Variants in IAPP observed in about 807,000 individuals in gnomAD.
The protein encoded by IAPP is Islet amyloid polypeptide (diabetes-associated peptide; amylin).
In IAPP, 4 loss-of-function variants were observed where a neutral mutation model predicts 2.9. The observed-to-expected ratio is 1.39, with a 90% CI of 0.69 to 3.19. The LOEUF (loss-of-function observed/expected upper bound fraction) is 3.19, where lower values mean the gene tolerates loss of function less well. IAPP is among the 30% of genes most tolerant of loss of function. IAPP has a pLI of 0.01. For synonymous variants in IAPP, 40 were observed against 42.1 expected (o/e 0.95, Z 0.19); for missense variants, 114 against 105.3 (o/e 1.08, Z -0.36).
chr12:21,376,344 T>A (rs1940189803), intron 2 of IAPP: 1 of 360,338 alleles, frequency 2.8e-6, no homozygotes, highest in South Asian at 2.1e-5. Flanking sequence ...AAATTCCAAT[T>A]TTTACTGTTT....
intron 2 of IAPP, among the ~76,000 whole-genome samples, chr12:21,376,115 G>T (rs999507703): frequency 2.6e-5 from 4 of 152,088 alleles, no homozygotes; most frequent in Admixed American, 1.3e-4. Flanking sequence ...GGCCCATCTA[G>T]CTAACTCAAA....
At position 21,378,641 on chromosome 12, in the gene IAPP, T is replaced by C. The variant is rs1423906095; in HGVS notation, c.*215T>C. On this transcript the variant is annotated 3_prime_UTR_variant, in exon 3 of 3. Coordinates refer to ENST00000240652, the MANE Select transcript of IAPP (RefSeq NM_000415.3). ...CTTTTAAAATGAAATGTTTTTGCTA[T>C]AGATTTGTATTTTAAAACATAAGAA... The C allele has an allele frequency of 2.0e-6, 1 of 495,812 alleles. No individual in the cohort carries two copies. The highest frequency in any genetic ancestry group is 3.1e-5 in the East Asian group (1 of 32,066). The allele number at this position is 495,812 out of a possible 1,614,324, so 30.7% of individuals were successfully genotyped here.
chr12:21,361,917 G>C lies in IAPP; in HGVS notation c.-16+6904G>C, dbSNP rs12307186. 5.5e-3 allele frequency among the ~76,000 whole-genome samples: 838 copies of C among 152,296 alleles called. 7 individuals are homozygous for C. Among genetic ancestry groups the C allele is most frequent in the African/African-American group, 0.016 (655 of 41,564 alleles). ...ATGTGAAAAGACCAAATCTACGTCT[G>C]ATTGGTGTACCTGAAAATGACGGGG... On this transcript the variant is annotated intron_variant, in intron 1 of 2. Transcript: ENST00000539393.
intron 1 of IAPP, among the ~76,000 whole-genome samples, chr12:21,355,503 A>C (rs1021257165): frequency 1.3e-4 from 20 of 152,170 alleles, no homozygotes; most frequent in Non-Finnish European, 2.8e-4. Context: ...TACAAGGCCT[A>C]GGATCTGGGA....
At position 21,373,402 on chromosome 12, in the gene IAPP, G is replaced by A. The variant is rs1939943956; in HGVS notation, c.51G>A (p.Leu17=). ...QVFLIVLSVA[L]NHLKATPIES... is the part of the protein sequence containing the mutation. ...TTCTCATTGTGCTCTCTGTTGCATT[G>A]AACCATCTGAAAGCTACACCCATTG... Residue 17 remains leucine, a synonymous_variant, in exon 2 of 3, where the codon TTG becomes TTA. Transcript: ENST00000240652. The A allele has an allele frequency of 1.9e-6, 3 of 1,613,296 alleles. No individual in the cohort carries two copies. Among genetic ancestry groups the A allele is most frequent in the African/African-American group, 2.7e-5 (2 of 75,004 alleles).
In IAPP at chr12:21,378,287, G is replaced by A. The variant is rs773900669; in HGVS notation, c.131G>A (p.Arg44His). The A allele has an allele frequency of 2.0e-5, 33 of 1,614,010 alleles. No individual in the cohort carries two copies. Among genetic ancestry groups the A allele is most frequent in the Middle Eastern group, 3.3e-4 (2 of 6,084 alleles). ...KCNTATCATQ[R>H]LANFLVHSSN... Reference sequence around the variant, plus strand: ...AACACTGCCACATGTGCAACGCAGCGCCTGGCAAATTTTTTAGTTCATTCC... The same window carrying A: ...AACACTGCCACATGTGCAACGCAGCACCTGGCAAATTTTTTAGTTCATTCC... The change falls in exon 3 of 3, where the codon CGC (arginine) becomes CAC (histidine). Residue 44 changes from arginine (R) to histidine (H), a missense_variant. Transcript: ENST00000240652.
At chr12:21,370,665 A>G (rs1939718067), upstream of IAPP, among the ~76,000 whole-genome samples, 1 of 152,106 alleles carries the variant, frequency 6.6e-6, no homozygotes, top group South Asian at 2.1e-4. Flanking sequence ...CATCTTAGAG[A>G]AACAAAAAAG....
intron 1 of IAPP, among the ~76,000 whole-genome samples, chr12:21,363,579 A>G (rs1207320172): frequency 6.6e-6 from 1 of 152,220 alleles, no homozygotes; most frequent in Non-Finnish European, 1.5e-5. Context: ...GACACAAAAA[A>G]ACCCTTCAAA....
chr12:21,372,321 TTTG>T (rs1247333244), upstream of IAPP, among the ~76,000 whole-genome samples: 2 of 152,172 alleles, frequency 1.3e-5, no homozygotes, highest in African/African-American at 4.8e-5. Context: ...TCATTCTAAT[TTTG>T]TTTTGTTCCC....
At chr12:21,362,601 T>C (rs1188611075) in intron 1 of IAPP, among the ~76,000 whole-genome samples, 1 of 152,112 alleles carries the variant, frequency 6.6e-6, no homozygotes, top group African/African-American at 2.4e-5. Context: ...AGACACAGAC[T>C]GGCAAATTGG....
At chr12:21,359,872 C>A (rs1429072444) in intron 1 of IAPP, among the ~76,000 whole-genome samples, 4 of 152,070 alleles carry the variant, frequency 2.6e-5, no homozygotes, top group Non-Finnish European at 5.9e-5. Context: ...TTTGTAATAG[C>A]CTCAAACTAG....
upstream of IAPP, among the ~76,000 whole-genome samples, chr12:21,368,492 G>A (rs1484055855): frequency 6.6e-6 from 1 of 151,708 alleles, no homozygotes; most frequent in Non-Finnish European, 1.5e-5. Context: ...GTAGACAACT[G>A]GAAAACGTGA....
At chr12:21,372,687 TG>T (rs1314226861), upstream of IAPP, among the ~76,000 whole-genome samples, 8 of 152,350 alleles carry the variant, frequency 5.3e-5, no homozygotes, top group African/African-American at 1.9e-4. Flanking sequence ...CTGCTGTGTA[TG>T]ACACACCATT....
chr12:21,359,746 T>TAAA (rs35529364), intron 1 of IAPP, among the ~76,000 whole-genome samples: 3 of 140,198 alleles, frequency 2.1e-5, no homozygotes, highest in African/African-American at 7.9e-5. Context: ...GACTCCGTCT[T>TAAA]AAAAAAAAAA....
chr12:21,362,291 G>C (rs1283170514), intron 1 of IAPP, among the ~76,000 whole-genome samples: 1 of 152,048 alleles, frequency 6.6e-6, no homozygotes, highest in Non-Finnish European at 1.5e-5. Context: ...TTCATACCCA[G>C]TCAAACTAAG....
upstream of IAPP, among the ~76,000 whole-genome samples, chr12:21,368,501 G>A (rs1024052013): frequency 5.3e-5 from 8 of 151,954 alleles, no homozygotes; most frequent in Non-Finnish European, 1.2e-4. Context: ...TGGAAAACGT[G>A]AATGCTGAAT....
intron 1 of IAPP, chr12:21,355,082 A>C (rs1938258833): frequency 6.6e-6 from 1 of 152,174 alleles, no homozygotes; most frequent in Non-Finnish European, 1.5e-5. Context: ...AAATCAACTT[A>C]ACACAAAGAT....
chr12:21,372,675 T>C (rs1484741914), upstream of IAPP, among the ~76,000 whole-genome samples: 1 of 152,246 alleles, frequency 6.6e-6, no homozygotes, highest in Admixed American at 6.5e-5. Flanking sequence ...AAATTCAAAC[T>C]TCTGCTGTGT....
At position 21,373,360 on chromosome 12, in the gene IAPP, C is replaced by A; in HGVS notation, c.9C>A (p.Ile3=). The A allele has an allele frequency of 1.9e-6, 3 of 1,612,148 alleles. No individual in the cohort carries two copies. The highest frequency in any genetic ancestry group is 2.5e-6 in the Non-Finnish European group (3 of 1,178,436). Residue 3 remains isoleucine (I), a synonymous_variant, in exon 2 of 3, where the codon ATC becomes ATA. Coordinates refer to ENST00000240652, the MANE Select transcript of IAPP (RefSeq NM_000415.3). ...AGAAAATTTGAGAAGCAATGGGCAT[C>A]CTGAAGCTGCAAGTATTTCTCATTG... MG[I]LKLQVFLIVL...
Sources: allele counts gnomAD v4.1 joint callset (sites outside exome capture counted in the v4.1 genomes callset), GRCh38; gene constraint gnomAD v4.1.1; transcripts MANE v1.5; gene names NCBI Gene and HGNC (gene_info 2026-07-23, HGNC 2026-07-21).